EYS: variants seen among roughly 807,000 people sequenced by gnomAD.
EYS encodes the protein EGF-like photoreceptor maintenance factor, also known as protein eyes shut homolog.
Under a neutral mutation model 282.1 loss-of-function variants are expected in EYS, and 250 were observed. The ratio of observed to expected loss-of-function variants is 0.89; its 90% CI spans 0.80 to 0.98. The LOEUF is 0.98. EYS is among the 50% of genes least tolerant of loss of function. EYS has a pLI of 0.00. For synonymous variants in EYS, 1,355 were observed against 1,282.9 expected (o/e 1.06, Z -1.20); for missense variants, 4,016 against 3,709.0 (o/e 1.08, Z -2.15).
chr6:65,567,044 G>C (rs1764290505), intron 2 of EYS, among the ~76,000 whole-genome samples: 2 of 151,846 alleles, frequency 1.3e-5, no homozygotes, highest in African/African-American at 2.4e-5. Flanking sequence ...AGATCATGAG[G>C]GCTCTGCCCT....
intron 5 of EYS, among the ~76,000 whole-genome samples, chr6:65,447,276 C>T (rs1409692726): frequency 6.7e-6 from 1 of 148,170 alleles, no homozygotes; most frequent in Non-Finnish European, 1.5e-5. Context: ...CAGCAATTTT[C>T]ACAGAACCTG....
chr6:65,412,487 C>A (rs1767060190), intron 5 of EYS, among the ~76,000 whole-genome samples: 1 of 152,074 alleles, frequency 6.6e-6, no homozygotes, highest in African/African-American at 2.4e-5. Flanking sequence ...CTCATATGCA[C>A]CAGCATTTCG....
chr6:64,663,978 C>T (rs544158752), intron 22 of EYS, among the ~76,000 whole-genome samples: 1 of 152,196 alleles, frequency 6.6e-6, no homozygotes, highest in African/African-American at 2.4e-5. Context: ...GCCTCTAGCC[C>T]GATCAGGAGT....
chr6:65,082,564 A>G (rs1774256712), intron 12 of EYS, among the ~76,000 whole-genome samples: 1 of 152,082 alleles, frequency 6.6e-6, no homozygotes, highest in African/African-American at 2.4e-5. Context: ...GAATCTCAGA[A>G]TATGTCCAAA....
In EYS at chr6:64,601,882, T is replaced by G. The variant is rs544015227; in HGVS notation, c.3685-8573A>C. 3.9e-5 allele frequency among the ~76,000 whole-genome samples: 6 copies of G among 152,166 alleles called. No individual in the cohort carries two copies. In the South Asian group the frequency reaches 1.2e-3, roughly 32 times the overall value. On this transcript the variant is annotated intron_variant, in intron 24 of 42. Coordinates refer to ENST00000503581, the MANE Select transcript of EYS (RefSeq NM_001142800.2). Reference sequence around the variant, plus strand: ...TGTGCTCAACTCCCATTATCCACTCTTTACTGTCCCATACAGGACAAGATC... The same window carrying G: ...TGTGCTCAACTCCCATTATCCACTCGTTACTGTCCCATACAGGACAAGATC...
At chr6:64,664,029 C>T (rs1394004894) in intron 22 of EYS, among the ~76,000 whole-genome samples, 1 of 152,166 alleles carries the variant, frequency 6.6e-6, no homozygotes, top group African/African-American at 2.4e-5. Flanking sequence ...CAGCAGACAC[C>T]CTGCCCGATC....
intron 12 of EYS, among the ~76,000 whole-genome samples, chr6:65,208,922 G>A (rs551575151): frequency 5.7e-4 from 87 of 151,812 alleles, no homozygotes; most frequent in Admixed American, 1.6e-3. Context: ...ACCTACTCAC[G>A]TGCATCCTGA....
intron 22 of EYS, among the ~76,000 whole-genome samples, chr6:64,743,674 TC>T (rs1225933509): frequency 2.0e-5 from 3 of 152,144 alleles, no homozygotes; most frequent in Non-Finnish European, 4.4e-5. Flanking sequence ...TGTTATAAAT[TC>T]ATTGATTTAA....
intron 12 of EYS, among the ~76,000 whole-genome samples, chr6:65,132,947 T>C (rs1294835240): frequency 6.6e-6 from 1 of 151,928 alleles, no homozygotes; most frequent in Non-Finnish European, 1.5e-5. Context: ...AAATCATGAA[T>C]GCAATCTCAT....
At chr6:64,499,906 G>C (rs1352209804) in intron 26 of EYS, among the ~76,000 whole-genome samples, 1 of 152,108 alleles carries the variant, frequency 6.6e-6, no homozygotes, top group Non-Finnish European at 1.5e-5. Context: ...CCTTTGGAAA[G>C]TTATAATGAT....
At chr6:65,675,062 A>C (rs144647425) in intron 1 of EYS, among the ~76,000 whole-genome samples, 206 of 152,096 alleles carry the variant, frequency 1.4e-3, no homozygotes, top group African/African-American at 4.5e-3. Context: ...TAATTATAAG[A>C]CGTTTTATGG....
rs200338574 is a variant in EYS, at chr6:65,599,268, AT to A, written c.-333+40509del. On this transcript the variant is annotated intron_variant, in intron 2 of 42. Coordinates refer to ENST00000503581, the MANE Select transcript of EYS (RefSeq NM_001142800.2). ...TAAATGGATCTGCCTAGTTCAAACC[AT>A]GTTGTTCAACGGTAAACTGTATATC... Among the ~76,000 whole-genome samples, 887 of 152,164 alleles carry A rather than the reference AT, an allele frequency of 5.8e-3. 6 individuals are homozygous for A. Among genetic ancestry groups the A allele is most frequent in the African/African-American group, 0.02 (837 of 41,526 alleles).
intron 22 of EYS, among the ~76,000 whole-genome samples, chr6:64,676,385 G>C (rs1769683442): frequency 6.7e-6 from 1 of 149,308 alleles, no homozygotes; most frequent in Non-Finnish European, 1.5e-5. Flanking sequence ...GGGAGAGAGA[G>C]CAAGAAGAGA....
At chr6:65,566,612 C>T (rs1017583383) in intron 2 of EYS, among the ~76,000 whole-genome samples, 3 of 151,914 alleles carry the variant, frequency 2.0e-5, no homozygotes, top group Admixed American at 1.3e-4. Context: ...CCAGACTTGC[C>T]ACCAGTAACA....
At chr6:64,677,342 A>G (rs1054941306) in intron 22 of EYS, among the ~76,000 whole-genome samples, 3 of 152,164 alleles carry the variant, frequency 2.0e-5, no homozygotes, top group African/African-American at 7.2e-5. Flanking sequence ...AAAAAACGCA[A>G]TGCTACTTTA....
At chr6:64,875,079 T>C (rs1474639205) in intron 19 of EYS, among the ~76,000 whole-genome samples, 2 of 152,058 alleles carry the variant, frequency 1.3e-5, no homozygotes, top group Non-Finnish European at 2.9e-5. Flanking sequence ...GCCTGCTTTC[T>C]AGAAATATAC....
At chr6:65,106,055 C>G (rs1255003977) in intron 12 of EYS, among the ~76,000 whole-genome samples, 2 of 151,868 alleles carry the variant, frequency 1.3e-5, no homozygotes, top group Non-Finnish European at 2.9e-5. Context: ...CCATTATGAT[C>G]TGAAAAATCA....
intron 22 of EYS, among the ~76,000 whole-genome samples, chr6:64,715,878 A>C (rs1771374766): frequency 6.6e-6 from 1 of 152,148 alleles, no homozygotes; most frequent in Non-Finnish European, 1.5e-5. Flanking sequence ...AAGTTTTGTC[A>C]CCCATTCTGT....
chr6:65,579,997 C>G (rs1764814000), intron 2 of EYS, among the ~76,000 whole-genome samples: 1 of 152,024 alleles, frequency 6.6e-6, no homozygotes, highest in Non-Finnish European at 1.5e-5. Flanking sequence ...TCTACATGGT[C>G]ATGTAAATAT....
Sources: allele counts gnomAD v4.1 joint callset (sites outside exome capture counted in the v4.1 genomes callset), GRCh38; gene constraint gnomAD v4.1.1; transcripts MANE v1.5; gene names NCBI Gene and HGNC (gene_info 2026-07-23, HGNC 2026-07-21).